Variants in TENM2 observed in about 807,000 individuals in gnomAD.
TENM2 encodes teneurin-2.
A neutral mutation model predicts 245.2 loss-of-function variants in TENM2; 52 were observed. That is an observed-to-expected ratio of 0.21 (90% confidence interval 0.17 to 0.27). The LOEUF is 0.27. Among genes scored for constraint, TENM2 ranks in the 10% least tolerant of loss-of-function variants. The probability of loss-of-function intolerance (pLI) is 1.00; values close to 1 mark genes in which losing one functional copy is unlikely to be tolerated. For synonymous variants in TENM2, 1,363 were observed against 1,438.9 expected (o/e 0.95, Z 1.19); for missense variants, 3,046 against 3,666.8 (o/e 0.83, Z 4.37).
At position 168,244,398 on chromosome 5, in the gene TENM2, A is replaced by G; in HGVS notation, c.5521-22A>G. 6.7e-7 allele frequency: 1 copy of G among 1,489,146 alleles called. No individual in the cohort carries two copies. The highest frequency in any genetic ancestry group is 9.0e-7 in the Non-Finnish European group (1 of 1,108,554). 92.2% of individuals were successfully genotyped at this position (1,489,146 alleles called of 1,614,324 possible). A position where few individuals can be genotyped will look rare whatever the true frequency, so the allele number is the denominator to read the frequency against. ...CATGCCTGGGTGATGTCTTTCAAAC[A>G]AGGCCTGTTGTGTTTTCCTAGGTCC... On this transcript the variant is annotated intron_variant, in intron 25 of 28. Transcript: ENST00000518659. The surrounding 1 kb of genome is among the most constrained non-coding windows in gnomAD (Gnocchi z 4.9).
At chr5:167,225,601 A>T in the TENM2 span, among the ~76,000 whole-genome samples, 1 of 152,062 alleles carries the variant, frequency 6.6e-6, no homozygotes, top group African/African-American at 2.4e-5. Flanking sequence ...TTCTATGTTC[A>T]TCAGGGATAA....
At chr5:167,240,433 C>T in the TENM2 span, among the ~76,000 whole-genome samples, 4 of 151,862 alleles carry the variant, frequency 2.6e-5, no homozygotes, top group East Asian at 1.9e-4. Flanking sequence ...CTCATTCTGC[C>T]GATCTTTTAC....
intron 2 of TENM2, among the ~76,000 whole-genome samples, chr5:167,808,460 A>G (rs576625335): frequency 1.3e-5 from 2 of 152,140 alleles, no homozygotes; most frequent in East Asian, 1.9e-4. Flanking sequence ...GGGTTTTGCC[A>G]TGTTGGCCAG....
chr5:166,996,795 G>A, the TENM2 span, among the ~76,000 whole-genome samples: 1 of 152,184 alleles, frequency 6.6e-6, no homozygotes, highest in African/African-American at 2.4e-5. Context: ...GGAATAGACT[G>A]AATTTTTCCC....
chr5:167,888,051 G>A (rs555682612), intron 3 of TENM2, among the ~76,000 whole-genome samples: 3 of 152,166 alleles, frequency 2.0e-5, no homozygotes, highest in African/African-American at 7.2e-5. Flanking sequence ...TGAATTTAGG[G>A]CTCGTCATAA....
At chr5:167,833,794 G>T (rs1768727299) in intron 2 of TENM2, among the ~76,000 whole-genome samples, 1 of 152,196 alleles carries the variant, frequency 6.6e-6, no homozygotes, top group South Asian at 2.1e-4. Context: ...GTAAGCAACA[G>T]AGTAAAGAAG....
intron 3 of TENM2, among the ~76,000 whole-genome samples, chr5:167,943,025 A>G (rs980824293): frequency 1.9e-4 from 29 of 152,238 alleles, no homozygotes; most frequent in African/African-American, 5.3e-4. Context: ...ACATCCCATG[A>G]CATCAGCTGT....
At chr5:167,217,723 T>G in the TENM2 span, among the ~76,000 whole-genome samples, 1 of 147,946 alleles carries the variant, frequency 6.8e-6, no homozygotes, top group Non-Finnish European at 1.5e-5. Context: ...GATATATATA[T>G]ATATATATAT....
intron 2 of TENM2, among the ~76,000 whole-genome samples, chr5:167,446,046 T>C (rs1191576097): frequency 6.6e-6 from 1 of 152,168 alleles, no homozygotes; most frequent in Non-Finnish European, 1.5e-5. Context: ...AGCTGGGCAA[T>C]GGGAGGGAAG....
At chr5:168,127,364 A>G (rs1034153695) in intron 12 of TENM2, among the ~76,000 whole-genome samples, 1 of 152,082 alleles carries the variant, frequency 6.6e-6, no homozygotes, top group African/African-American at 2.4e-5. Context: ...AGGTGAACTC[A>G]CTAATTTTAG....
intron 3 of TENM2, among the ~76,000 whole-genome samples, chr5:167,898,887 G>A (rs905616152): frequency 1.8e-4 from 28 of 152,160 alleles, no homozygotes; most frequent in Middle Eastern, 3.2e-3. Flanking sequence ...GGAGATCTTC[G>A]TTTGAGCGGG....
At chr5:167,887,836 A>G (rs1014647234) in intron 3 of TENM2, among the ~76,000 whole-genome samples, 3 of 152,196 alleles carry the variant, frequency 2.0e-5, no homozygotes, top group Non-Finnish European at 4.4e-5. Context: ...TAGAGGCTAC[A>G]AGTTCCAAAC....
At chr5:167,098,447 G>T in the TENM2 span, among the ~76,000 whole-genome samples, 1 of 152,114 alleles carries the variant, frequency 6.6e-6, no homozygotes, top group Non-Finnish European at 1.5e-5. Context: ...GGGATCCAGC[G>T]TTGCAGATTT....
intron 1 of TENM2, among the ~76,000 whole-genome samples, chr5:167,351,025 G>A (rs1004082390): frequency 3.0e-5 from 3 of 99,414 alleles, no homozygotes; most frequent in African/African-American, 1.0e-4. Flanking sequence ...ATATATATGG[G>A]ATATATACAT....
At chr5:167,892,460 A>G (rs943337178) in intron 3 of TENM2, among the ~76,000 whole-genome samples, 3 of 152,244 alleles carry the variant, frequency 2.0e-5, no homozygotes, top group African/African-American at 4.8e-5. Context: ...TGGAGAACCA[A>G]AAATGTAGCA....
chr5:167,127,441 A>T, the TENM2 span, among the ~76,000 whole-genome samples: 2 of 152,162 alleles, frequency 1.3e-5, no homozygotes, highest in African/African-American at 4.8e-5. Flanking sequence ...AGTCAGTAGT[A>T]CATCCCCACC....
At chr5:167,837,418 A>G (rs949121136) in intron 2 of TENM2, among the ~76,000 whole-genome samples, 12 of 152,158 alleles carry the variant, frequency 7.9e-5, no homozygotes, top group Non-Finnish European at 1.3e-4. Context: ...CTCTCTCATC[A>G]GTATATGAGA....
intron 2 of TENM2, among the ~76,000 whole-genome samples, chr5:167,487,338 T>C (rs747258736): frequency 1.3e-5 from 2 of 152,148 alleles, no homozygotes; most frequent in Non-Finnish European, 2.9e-5. Context: ...TAGATAGATT[T>C]GCATGTGTGT....
At chr5:167,515,670 T>TATATATATACATATATACGTATATATGG (rs1562019105) in intron 2 of TENM2, among the ~76,000 whole-genome samples, 1 of 32,868 alleles carries the variant, frequency 3.0e-5, no homozygotes, top group Non-Finnish European at 9.1e-5. Context: ...CGTATATATG[T>TATATATATACATATATACGTATATATGG]GTATATATAT....
Sources: gnomAD v4.1 joint callset for allele counts (sites outside exome capture counted in the v4.1 genomes callset) on GRCh38, gnomAD v4.1.1 for gene constraint, Gnocchi (gnomAD v3.1) non-coding constraint, MANE v1.5 for transcripts, NCBI Gene and HGNC (gene_info 2026-07-23, HGNC 2026-07-21) for gene names.